Variants in ZMPSTE24 observed in about 807,000 individuals in gnomAD.
ZMPSTE24 encodes the protein CAAX prenyl protease 1 homolog.
A neutral mutation model predicts 56.7 loss-of-function variants in ZMPSTE24; 48 were observed. The ratio of observed to expected loss-of-function variants is 0.85; its 90% CI spans 0.67 to 1.08. ZMPSTE24 has a LOEUF of 1.08. ZMPSTE24 is among the 50% of genes least tolerant of loss of function. ZMPSTE24 has a pLI of 0.00. For missense variants in ZMPSTE24, 503 were observed against 548.7 expected (o/e 0.92, Z 0.83); for synonymous variants, 172 against 195.2 (o/e 0.88, Z 0.99).
At chr1:40,287,332 G>A (rs561750833) in intron 8 of ZMPSTE24, among the ~76,000 whole-genome samples, 9 of 151,788 alleles carry the variant, frequency 5.9e-5, no homozygotes, top group South Asian at 2.1e-4. Context: ...GCCTCCCAAA[G>A]TGCTGGGATT....
At position 40,276,812 on chromosome 1, in the gene ZMPSTE24, A is replaced by G. The variant is rs138282420; in HGVS notation, c.770-4531A>G. Among the ~76,000 whole-genome samples, 931 of 152,328 alleles carry G rather than the reference A, an allele frequency of 6.1e-3. 12 individuals are homozygous for G. The highest frequency in any genetic ancestry group is 0.021 in the African/African-American group (889 of 41,558). On this transcript the variant is annotated intron_variant, in intron 6 of 9. Transcript: ENST00000372759. ...CCTCTTGCTTCTAGACTACAAACCTATCTAGCGTGTTACTATACTGAATAC... is the reference window on the plus strand; with the variant it reads ...CCTCTTGCTTCTAGACTACAAACCTGTCTAGCGTGTTACTATACTGAATAC...
At chr1:40,287,640 A>G (rs1235974400) in intron 8 of ZMPSTE24, among the ~76,000 whole-genome samples, 2 of 150,268 alleles carry the variant, frequency 1.3e-5, no homozygotes, top group Non-Finnish European at 3.0e-5. Flanking sequence ...GCCCCAGTGC[A>G]CTCCAGCCTG....
At chr1:40,275,749 T>C in intron 6 of ZMPSTE24, among the ~76,000 whole-genome samples, 1 of 112,704 alleles carries the variant, frequency 8.9e-6, no homozygotes, top group Non-Finnish European at 1.7e-5. Flanking sequence ...TGAGACCCTG[T>C]CTCAAAAAAA....
intron 4 of ZMPSTE24, among the ~76,000 whole-genome samples, chr1:40,269,654 C>T (rs1643593304): frequency 6.6e-6 from 1 of 151,974 alleles, no homozygotes; most frequent in Non-Finnish European, 1.5e-5. Flanking sequence ...TTAGTAGTGA[C>T]AGGGTCTCAC....
At chr1:40,290,105 G>A (rs1255899810) in intron 8 of ZMPSTE24, among the ~76,000 whole-genome samples, 2 of 151,992 alleles carry the variant, frequency 1.3e-5, no homozygotes, top group Non-Finnish European at 2.9e-5. Flanking sequence ...AACTACTGGC[G>A]GGGCAGTATG....
chr1:40,272,681 G>A (rs958038251), intron 6 of ZMPSTE24, among the ~76,000 whole-genome samples: 3 of 152,122 alleles, frequency 2.0e-5, no homozygotes, highest in African/African-American at 7.2e-5. Flanking sequence ...TTTGGTAGTT[G>A]ACTATTAAAG....
Position 40,290,948 on chromosome 1 carries a change from TTATTGGAC to T in ZMPSTE24, c.1160_1167del (p.Gly387AspfsTer12). The T allele has an allele frequency of 6.2e-7, 1 of 1,614,160 alleles. No individual in the cohort carries two copies. Among genetic ancestry groups the T allele is most frequent in the South Asian group, 1.1e-5 (1 of 91,086 alleles). ...GGTTTTTATGATAGCCAACCCACTCTTATTGGACTATTGATCATCTTCCAGTTTATTTT... is the reference window on the plus strand; with the variant it reads ...GGTTTTTATGATAGCCAACCCACTCTTATTGATCATCTTCCAGTTTATTTT... On this transcript the variant is annotated frameshift_variant, in exon 9 of 10. Transcript: ENST00000372759. LOFTEE classifies it high-confidence loss of function.
At chr1:40,273,547 T>A (rs1268029944) in intron 6 of ZMPSTE24, among the ~76,000 whole-genome samples, 1,386 of 77,148 alleles carry the variant, frequency 0.018, 70 homozygotes, top group African/African-American at 0.095. Context: ...AATATATATA[T>A]ATATATATAT....
chr1:40,275,436 AAAAC>A lies in ZMPSTE24; in HGVS notation c.769+3421_769+3424del, dbSNP rs770808420. 4.6e-4 allele frequency among the ~76,000 whole-genome samples: 69 copies of A among 151,410 alleles called. 1 individual carries two copies. Among genetic ancestry groups the A allele is most frequent in the East Asian group, 3.9e-4 (2 of 5,142 alleles). Reference sequence around the variant, plus strand: ...GTGACAAAGCAAGACTCTGTCTCAAAAAACAAACAAACAAACAAACAAAACCAGT... The same window carrying A: ...GTGACAAAGCAAGACTCTGTCTCAAAAAACAAACAAACAAACAAAACCAGT... On this transcript the variant is annotated intron_variant, in intron 6 of 9. Transcript: ENST00000372759.
intron 4 of ZMPSTE24, among the ~76,000 whole-genome samples, chr1:40,269,073 CAAAAAAAAA>C (rs60201234): frequency 2.2e-5 from 1 of 46,222 alleles, no homozygotes; most frequent in Non-Finnish European, 5.8e-5. Flanking sequence ...GACTCCGTCT[CAAAAAAAAA>C]AAAAAAAAAA....
At chr1:40,276,019 A>T (rs1643667683) in intron 6 of ZMPSTE24, among the ~76,000 whole-genome samples, 1 of 152,216 alleles carries the variant, frequency 6.6e-6, no homozygotes, top group Non-Finnish European at 1.5e-5. Flanking sequence ...CATCTGATTG[A>T]CTAAGCCAGG....
chr1:40,266,536 TCTC>T (rs1355294961), intron 2 of ZMPSTE24, among the ~76,000 whole-genome samples: 1 of 152,036 alleles, frequency 6.6e-6, no homozygotes, highest in Admixed American at 6.6e-5. Context: ...GGAAGAGCCT[TCTC>T]CTGTGAAAGC....
At chr1:40,286,818 C>T (rs865932003) in intron 8 of ZMPSTE24, among the ~76,000 whole-genome samples, 1 of 150,842 alleles carries the variant, frequency 6.6e-6, no homozygotes, top group Admixed American at 6.6e-5. Flanking sequence ...GCCTCTGCCT[C>T]CCGGGTTCAA....
chr1:40,277,246 C>T (rs1043240219), intron 6 of ZMPSTE24, among the ~76,000 whole-genome samples: 26 of 152,000 alleles, frequency 1.7e-4, no homozygotes, highest in African/African-American at 5.6e-4. Flanking sequence ...CCAGCACACC[C>T]GGCTAATTTT....
intron 6 of ZMPSTE24, among the ~76,000 whole-genome samples, chr1:40,278,898 C>T (rs2124588324): frequency 6.6e-6 from 1 of 152,274 alleles, no homozygotes; most frequent in East Asian, 1.9e-4. Flanking sequence ...CCTGTAATCC[C>T]AGCACTTTGG....
At chr1:40,270,636 ATTC>A (rs1259720674) in intron 5 of ZMPSTE24, among the ~76,000 whole-genome samples, 1 of 150,248 alleles carries the variant, frequency 6.7e-6, no homozygotes, top group African/African-American at 2.5e-5. Flanking sequence ...TCTTTTACCC[ATTC>A]TTCTTCCTTT....
intron 8 of ZMPSTE24, 33 bp from the exon 9 acceptor site, chr1:40,290,821 A>G: frequency 1.2e-6 from 2 of 1,610,434 alleles, no homozygotes; most frequent in South Asian, 2.2e-5. Flanking sequence ...TCAGCTTGGT[A>G]ATAACTTAGA....
rs1402876863 is a variant in ZMPSTE24, at chr1:40,292,431, A to G, written c.1204-14A>G. 1.2e-6 allele frequency: 2 copies of G among 1,612,430 alleles called. No individual in the cohort carries two copies. Among genetic ancestry groups the G allele is most frequent in the Non-Finnish European group, 1.7e-6 (2 of 1,179,664 alleles). On this transcript the variant is annotated splice_polypyrimidine_tract_variant and intron_variant, in intron 9 of 9. Transcript: ENST00000372759. ...GGTGGGCAGTGGCTAAAACCCTTTC[A>G]TTTTCTTTTTCAGGTTCTTTCTTTT... is the stretch of plus-strand genomic sequence containing the variant.
chr1:40,269,976 C>A lies in ZMPSTE24; in HGVS notation c.476C>A (p.Thr159Asn). 1 of 1,612,094 alleles carries A rather than the reference C, an allele frequency of 6.2e-7. No individual in the cohort carries two copies. The highest frequency in any genetic ancestry group is 8.5e-7 in the Non-Finnish European group (1 of 1,179,502). ...TGTGGTAATGTTTTCTTTTTGCAGACTTTGGGGTTCTTCATGAAAGATGCA... is the reference window on the plus strand; with the variant it reads ...TGTGGTAATGTTTTCTTTTTGCAGAATTTGGGGTTCTTCATGAAAGATGCA... ...IEEKHGFNQQ[T>N]LGFFMKDAIK... is the part of the protein sequence containing the mutation. Residue 159 changes from threonine (T) to asparagine (N), a missense_variant and splice_region_variant, in exon 5 of 10, where the codon ACT becomes AAT. Physicochemically the swap from Thr to Asn is moderately conservative, Grantham distance 65. Coordinates refer to ENST00000372759, the MANE Select transcript of ZMPSTE24 (RefSeq NM_005857.5).
Sources: gnomAD v4.1 joint callset for allele counts (sites outside exome capture counted in the v4.1 genomes callset) on GRCh38, gnomAD v4.1.1 for gene constraint, MANE v1.5 for transcripts, NCBI Gene and HGNC (gene_info 2026-07-23, HGNC 2026-07-21) for gene names.